The following KIAA1549L variants were observed in gnomAD, a reference collection of about 807,000 sequenced individuals.
The protein encoded by KIAA1549L is UPF0606 protein KIAA1549L.
KIAA1549L carries 88 observed loss-of-function variants against 160.7 expected under a neutral mutation model. That is an observed-to-expected ratio of 0.55 (90% CI 0.46 to 0.65). The LOEUF (loss-of-function observed/expected upper bound fraction) is 0.65, where lower values mean the gene tolerates loss of function less well. KIAA1549L is among the 30% of genes least tolerant of loss of function. The pLI, the probability that KIAA1549L is intolerant of heterozygous loss-of-function variation, is 0.00. For synonymous variants in KIAA1549L, 950 were observed against 976.7 expected (o/e 0.97, Z 0.51); for missense variants, 2,258 against 2,437.5 (o/e 0.93, Z 1.55).
intron 11 of KIAA1549L, among the ~76,000 whole-genome samples, chr11:33,588,486 CG>C (rs1354514818): frequency 1.3e-4 from 19 of 151,994 alleles, no homozygotes; most frequent in African/African-American, 4.3e-4. Flanking sequence ...GGAAGCTCAT[CG>C]GGGAGGCCTG....
intron 1 of KIAA1549L, among the ~76,000 whole-genome samples, chr11:33,393,718 C>T (rs1850315814): frequency 6.6e-6 from 1 of 152,180 alleles, no homozygotes; most frequent in African/African-American, 2.4e-5. Flanking sequence ...GCTACTTATA[C>T]CGTGTAAAGG....
chr11:33,489,350 T>C (rs908707928), intron 1 of KIAA1549L, among the ~76,000 whole-genome samples: 2 of 152,126 alleles, frequency 1.3e-5, no homozygotes, highest in African/African-American at 2.4e-5. Flanking sequence ...GGGAAAGATA[T>C]CTCTCTTTCT....
intron 1 of KIAA1549L, among the ~76,000 whole-genome samples, chr11:33,435,800 A>ATGTGTGTGTGTGTGTGTGTGTG (rs1309350867): frequency 7.8e-5 from 1 of 12,884 alleles, no homozygotes; most frequent in Non-Finnish European, 1.3e-4. Context: ...ATATATATAT[A>ATGTGTGTGTGTGTGTGTGTGTG]TATATATATA....
chr11:33,515,185 C>T (rs1005709619), intron 1 of KIAA1549L, among the ~76,000 whole-genome samples: 2 of 152,230 alleles, frequency 1.3e-5, no homozygotes, highest in Admixed American at 1.3e-4. Flanking sequence ...GTGCCTCCCC[C>T]ACCCACCAAA....
At chr11:33,657,513 T>G (rs1230043892) in intron 18 of KIAA1549L, among the ~76,000 whole-genome samples, 3 of 152,018 alleles carry the variant, frequency 2.0e-5, no homozygotes, top group African/African-American at 7.2e-5. Flanking sequence ...AAAGGGAACG[T>G]AGGCTGGGCA....
intron 1 of KIAA1549L, among the ~76,000 whole-genome samples, chr11:33,419,135 A>T (rs2134099633): frequency 6.6e-6 from 1 of 152,200 alleles, no homozygotes; most frequent in Middle Eastern, 3.4e-3. Flanking sequence ...AGCTTCCCAA[A>T]GTGCTGGGAT....
intron 1 of KIAA1549L, among the ~76,000 whole-genome samples, chr11:33,494,803 G>C (rs1020535648): frequency 1.3e-5 from 2 of 152,236 alleles, no homozygotes; most frequent in African/African-American, 4.8e-5. Flanking sequence ...GCTCTGAACA[G>C]AGGTGCAGAG....
intron 8 of KIAA1549L, among the ~76,000 whole-genome samples, chr11:33,566,103 G>A (rs12576242): frequency 0.1 from 15,190 of 152,132 alleles, 982 homozygotes; most frequent in East Asian, 0.32. Flanking sequence ...AGTGGGATCA[G>A]GTATATCCAC....
intron 1 of KIAA1549L, among the ~76,000 whole-genome samples, chr11:33,507,826 G>T (rs1256866338): frequency 6.6e-6 from 1 of 152,186 alleles, no homozygotes. Context: ...GACTCTGTTA[G>T]GGTTCGATTG....
At chr11:33,596,607 C>T (rs1175021187) in intron 12 of KIAA1549L, among the ~76,000 whole-genome samples, 3 of 152,078 alleles carry the variant, frequency 2.0e-5, no homozygotes, top group African/African-American at 4.8e-5. Flanking sequence ...GGCATGGCGG[C>T]GGGCGCCTGT....
At chr11:33,531,374 C>G (rs1853767257) in intron 1 of KIAA1549L, among the ~76,000 whole-genome samples, 1 of 152,096 alleles carries the variant, frequency 6.6e-6, no homozygotes, top group African/African-American at 2.4e-5. Context: ...ACTTGGGAGG[C>G]TGAGGCAGGA....
In KIAA1549L at chr11:33,545,074, A is replaced by C. The variant is rs772142985; in HGVS notation, c.3081A>C (p.Gly1027=). Residue 1027 remains glycine (G), a synonymous_variant, in exon 3 of 21, where the codon GGA becomes GGC. Transcript: ENST00000658780. Reference sequence around the variant, plus strand: ...CGAGCACACATACAGCCATGCAAGGAAACATGGACACTGCCTCTGGCCTGT... The same window carrying C: ...CGAGCACACATACAGCCATGCAAGGCAACATGGACACTGCCTCTGGCCTGT... ...HTTSTHTAMQ[G]NMDTASGLLS... 1 of 1,614,036 alleles carries C rather than the reference A, an allele frequency of 6.2e-7. No individual in the cohort carries two copies. The highest frequency in any genetic ancestry group is 8.5e-7 in the Non-Finnish European group (1 of 1,179,886).
intron 1 of KIAA1549L, among the ~76,000 whole-genome samples, chr11:33,460,910 G>T (rs914974990): frequency 7.9e-5 from 12 of 152,142 alleles, no homozygotes; most frequent in Non-Finnish European, 1.8e-4. Context: ...AAACGTTCTG[G>T]GAGGCAGACA....
intron 16 of KIAA1549L, among the ~76,000 whole-genome samples, chr11:33,629,261 A>G (rs370641652): frequency 1.3e-4 from 20 of 151,906 alleles, no homozygotes; most frequent in Non-Finnish European, 2.5e-4. Flanking sequence ...TGACAATTAT[A>G]TGTCTTGGAG....
At chr11:33,630,576 G>T (rs1215708195) in intron 16 of KIAA1549L, among the ~76,000 whole-genome samples, 2 of 152,228 alleles carry the variant, frequency 1.3e-5, no homozygotes, top group Admixed American at 1.3e-4. Flanking sequence ...TCTTTGACTA[G>T]GAAAGGGAAC....
At chr11:33,386,711 C>G (rs1313090254) in intron 1 of KIAA1549L, among the ~76,000 whole-genome samples, 1 of 151,106 alleles carries the variant, frequency 6.6e-6, no homozygotes, top group African/African-American at 2.4e-5. Context: ...ACGGCCAGGC[C>G]ATTGTTAGGA....
chr11:33,598,719 T>C, intron 12 of KIAA1549L, 101 bp from the exon 13 acceptor site: 2 of 1,365,072 alleles, frequency 1.5e-6, no homozygotes, highest in Non-Finnish European at 2.0e-6. Flanking sequence ...TAAACTGGAA[T>C]GAAAGGCTAC....
chr11:33,455,289 T>TA lies in KIAA1549L; in HGVS notation c.238+78401dup, dbSNP rs564136425. On this transcript the variant is annotated intron_variant, in intron 1 of 20. Coordinates refer to ENST00000658780, the MANE Select transcript of KIAA1549L (RefSeq NM_012194.3). ...CAGAATGGTAGCCACAGTCATATATTATGACTGTTTAAACTTAAATAAAGA... is the reference window on the plus strand; with the variant it reads ...CAGAATGGTAGCCACAGTCATATATTAATGACTGTTTAAACTTAAATAAAGA... Among the ~76,000 whole-genome samples the TA allele has an allele frequency of 7.0e-4, 107 of 152,358 alleles. 1 individual carries two copies. The South Asian group carries it at 0.019, about 27-fold the overall frequency.
rs1283376178 is a variant in KIAA1549L, at chr11:33,376,239, A to AGCG, written c.-405_-403dup. ...CAGGACAGCGGGGCGCCGAGGCTGC[A>AGCG]GCGGCGGCGGGAGGGAGGGACCCGA... On this transcript the variant is annotated 5_prime_UTR_variant, in exon 1 of 21. Coordinates refer to ENST00000658780, the MANE Select transcript of KIAA1549L (RefSeq NM_012194.3). This position sits in a 1 kb window ranked among gnomAD's most constrained non-coding sequence, Gnocchi z 5.8. Among the ~76,000 whole-genome samples the AGCG allele has an allele frequency of 6.7e-6, 1 of 148,208 alleles. No individual in the cohort carries two copies. The highest frequency in any genetic ancestry group is 6.7e-5 in the Admixed American group (1 of 14,966).
Sources: gnomAD v4.1 joint callset for allele counts (sites outside exome capture counted in the v4.1 genomes callset) on GRCh38, gnomAD v4.1.1 for gene constraint, Gnocchi (gnomAD v3.1) non-coding constraint, MANE v1.5 for transcripts, NCBI Gene and HGNC (gene_info 2026-07-23, HGNC 2026-07-21) for gene names.